SCN9A: variants seen among roughly 807,000 people sequenced by gnomAD.
SCN9A encodes sodium channel protein type 9 subunit alpha.
Under a neutral mutation model 187.0 loss-of-function variants are expected in SCN9A, and 131 were observed. The observed-to-expected ratio is 0.70, with a 90% CI of 0.61 to 0.81. The LOEUF is 0.81. Ranked by LOEUF, SCN9A falls within the 30% of genes least tolerant of loss-of-function variation. The probability of loss-of-function intolerance (pLI) is 0.00; values close to 1 mark genes in which losing one functional copy is unlikely to be tolerated. For missense variants in SCN9A, 2,252 were observed against 2,396.6 expected (o/e 0.94, Z 1.26); for synonymous variants, 809 against 808.6 (o/e 1.00, Z -0.01).
At chr2:166,303,066 TAAC>T (rs1698625760) in intron 7 of SCN9A, 21 bp downstream of exon 7, 1 of 1,481,836 alleles carries the variant, frequency 6.7e-7, no homozygotes. Context: ...TTCAACCTAA[TAAC>T]AAATGCAAGG....
At chr2:166,267,900 G>GA (rs1385979657) in intron 17 of SCN9A, among the ~76,000 whole-genome samples, 2 of 151,906 alleles carry the variant, frequency 1.3e-5, no homozygotes, top group Non-Finnish European at 2.9e-5. Context: ...CGTTGTTAAT[G>GA]ATTCTGAAGT....
intron 7 of SCN9A, among the ~76,000 whole-genome samples, chr2:166,300,375 C>A (rs1297495046): frequency 6.6e-6 from 1 of 150,836 alleles, no homozygotes; most frequent in South Asian, 2.1e-4. Context: ...GACTCACACC[C>A]ACACTTAAAC....
chr2:166,286,195 C>T, intron 11 of SCN9A, 141 bp downstream of exon 11: 2 of 751,094 alleles, frequency 2.7e-6, no homozygotes, highest in South Asian at 2.6e-5. Context: ...TCCATAAATG[C>T]CTAGCGATAC....
chr2:166,332,687 C>T lies in SCN9A; in HGVS notation c.-50-20881G>A, dbSNP rs540652005. On this transcript the variant is annotated intron_variant, in intron 1 of 26. Coordinates refer to ENST00000642356, the MANE Select transcript of SCN9A (RefSeq NM_001365536.1). ...ATTATCTTTATTAATAATATTTCTG[C>T]AATATCCACAGTCCAAAACTTTTAT... 3.3e-5 allele frequency among the ~76,000 whole-genome samples: 5 copies of T among 152,080 alleles called. No individual in the cohort carries two copies. The South Asian group carries it at 1.0e-3, about 32-fold the overall frequency.
intron 9 of SCN9A, 117 bp from the exon 10 acceptor site, chr2:166,288,760 A>G: frequency 1.4e-6 from 1 of 691,828 alleles, no homozygotes. Flanking sequence ...TATCAAAAAT[A>G]TAAAGAGAAA....
intron 10 of SCN9A, among the ~76,000 whole-genome samples, chr2:166,286,916 G>T (rs1337378522): frequency 6.6e-6 from 1 of 152,060 alleles, no homozygotes; most frequent in Non-Finnish European, 1.5e-5. Flanking sequence ...GTTTTACAAG[G>T]TAATTTTGGA....
chr2:166,207,594 C>T (rs1416799874), intron 24 of SCN9A, among the ~76,000 whole-genome samples: 1 of 152,028 alleles, frequency 6.6e-6, no homozygotes, highest in Non-Finnish European at 1.5e-5. Context: ...GTGCATGCCA[C>T]CACATCAGGC....
In SCN9A at chr2:166,305,758, A is replaced by G. The variant is rs376994924; in HGVS notation, c.596+34T>C. On this transcript the variant is annotated intron_variant, in intron 5 of 26. Coordinates refer to ENST00000642356, the MANE Select transcript of SCN9A (RefSeq NM_001365536.1). ...ACACTGTGCTGCCTGAGATTTTCAT[A>G]AATTTGCCGTTTCAAAAAGCTGAAA... The G allele has an allele frequency of 1.1e-5, 17 of 1,612,894 alleles. 1 individual carries two copies. Among genetic ancestry groups the G allele is most frequent in the East Asian group, 6.7e-5 (3 of 44,862 alleles).
chr2:166,330,276 GC>G (rs1244408028), intron 1 of SCN9A, among the ~76,000 whole-genome samples: 1 of 151,738 alleles, frequency 6.6e-6, no homozygotes, highest in Non-Finnish European at 1.5e-5. Context: ...TTTCTCCATT[GC>G]CCCCATATCC....
At chr2:166,225,777 G>A (rs1260546255) in intron 24 of SCN9A, among the ~76,000 whole-genome samples, 2 of 152,102 alleles carry the variant, frequency 1.3e-5, no homozygotes, top group Admixed American at 6.6e-5. Flanking sequence ...GACACACAGA[G>A]GGAAAATGGC....
At chr2:166,230,160 A>G (rs1695020840) in intron 21 of SCN9A, among the ~76,000 whole-genome samples, 1 of 152,094 alleles carries the variant, frequency 6.6e-6, no homozygotes, top group African/African-American at 2.4e-5. Context: ...ACATAAACAA[A>G]CTGGTATGGC....
chr2:166,222,384 C>G (rs1694625228), intron 24 of SCN9A, among the ~76,000 whole-genome samples: 1 of 152,190 alleles, frequency 6.6e-6, no homozygotes. Flanking sequence ...TATCCCAGCA[C>G]TTTGGGAGGC....
At chr2:166,337,272 G>A (rs1019741433) in intron 1 of SCN9A, among the ~76,000 whole-genome samples, 1 of 152,120 alleles carries the variant, frequency 6.6e-6, no homozygotes, top group Non-Finnish European at 1.5e-5. Flanking sequence ...GATTTCTTAT[G>A]AGAGGAAACT....
At chr2:166,262,305 A>G (rs1481912487) in intron 17 of SCN9A, among the ~76,000 whole-genome samples, 2 of 152,050 alleles carry the variant, frequency 1.3e-5, no homozygotes, top group African/African-American at 4.8e-5. Flanking sequence ...TACTGAATAA[A>G]TGGAAAGGAA....
In SCN9A at chr2:166,306,441, C is replaced by G. The variant is rs1020385109; in HGVS notation, c.467+69G>C. The G allele has an allele frequency of 3.3e-6, 3 of 896,308 alleles. No individual in the cohort carries two copies. The African/African-American group carries it at 5.0e-5, about 15-fold the overall frequency. The allele number at this position is 896,308 out of a possible 1,614,324, so 55.5% of individuals were successfully genotyped here. On this transcript the variant is annotated intron_variant, in intron 4 of 26. Transcript: ENST00000642356. ...CCATCTTCATAAATGCAGTAACTTC[C>G]TGGCAGGAAAAGGAAAGGATGAAAT...
At chr2:166,213,459 C>CAATAATAATAATAATAAT (rs75970260) in intron 24 of SCN9A, among the ~76,000 whole-genome samples, 5 of 140,958 alleles carry the variant, frequency 3.5e-5, no homozygotes, top group South Asian at 2.3e-4. Context: ...CAAATTGAAC[C>CAATAATAATAATAATAAT]AATAATAATA....
intron 15 of SCN9A, among the ~76,000 whole-genome samples, chr2:166,277,542 C>T (rs35664204): frequency 0.11 from 16,853 of 152,120 alleles, 1,110 homozygotes; most frequent in Admixed American, 0.18. Flanking sequence ...AAAATTACAA[C>T]ACATATTATG....
intron 9 of SCN9A, among the ~76,000 whole-genome samples, chr2:166,292,435 C>T (rs1355773198): frequency 6.6e-6 from 1 of 151,566 alleles, no homozygotes; most frequent in African/African-American, 2.4e-5. Flanking sequence ...ATTTGCATTC[C>T]CATTTTTGCT....
intron 18 of SCN9A, among the ~76,000 whole-genome samples, chr2:166,242,955 G>C (rs930769475): frequency 6.6e-6 from 1 of 152,010 alleles, no homozygotes; most frequent in Non-Finnish European, 1.5e-5. Flanking sequence ...TTTTATGTGT[G>C]AATGAATGAA....
Sources: allele counts gnomAD v4.1 joint callset (sites outside exome capture counted in the v4.1 genomes callset), GRCh38; gene constraint gnomAD v4.1.1; transcripts MANE v1.5; gene names NCBI Gene and HGNC (gene_info 2026-07-23, HGNC 2026-07-21).